The following ZNF765 variants were observed in gnomAD, a reference collection of about 807,000 sequenced individuals.
The protein encoded by ZNF765 is zinc finger protein 765.
A neutral mutation model predicts 44.7 loss-of-function variants in ZNF765; 37 were observed. The observed-to-expected ratio is 0.83, with a 90% CI of 0.64 to 1.09. The LOEUF (loss-of-function observed/expected upper bound fraction) is 1.09, where lower values mean the gene tolerates loss of function less well. Ranked by LOEUF, ZNF765 falls within the 50% of genes least tolerant of loss-of-function variation. ZNF765 has a pLI of 0.00. For synonymous variants in ZNF765, 201 were observed against 213.7 expected (o/e 0.94, Z 0.52); for missense variants, 594 against 626.1 (o/e 0.95, Z 0.55).
chr19:53,400,672 C>T (rs2085715447), intron 2 of ZNF765, among the ~76,000 whole-genome samples: 1 of 150,910 alleles, frequency 6.6e-6, no homozygotes, highest in Non-Finnish European at 1.5e-5. Context: ...TTTTGAACAA[C>T]TTTTCCATTT....
chr19:53,409,774 G>A lies in ZNF765; in HGVS notation c.*647G>A. 2.4e-6 allele frequency: 2 copies of A among 826,242 alleles called. No homozygotes were observed. The highest frequency in any genetic ancestry group is 4.2e-6 in the Non-Finnish European group (2 of 479,640). 51.2% of individuals were successfully genotyped at this position (826,242 alleles called of 1,614,324 possible). A position where few individuals can be genotyped will look rare whatever the true frequency, so the allele number is the denominator to read the frequency against. On this transcript the variant is annotated 3_prime_UTR_variant, in exon 4 of 4. Transcript: ENST00000396408. Reference sequence around the variant, plus strand: ...GCCATCATAGACTTCATACTGGAGAGATACCTTAAAAGTGTAGTGAGTGTG... The same window carrying A: ...GCCATCATAGACTTCATACTGGAGAAATACCTTAAAAGTGTAGTGAGTGTG...
chr19:53,402,594 C>T (rs73059133), intron 3 of ZNF765, among the ~76,000 whole-genome samples: 43,361 of 151,900 alleles, frequency 0.29, 7,468 homozygotes, highest in South Asian at 0.39. Context: ...AAGTGTCTCT[C>T]TCTGTCAGCC....
At chr19:53,404,553 A>C (rs949297972) in intron 3 of ZNF765, among the ~76,000 whole-genome samples, 11 of 152,038 alleles carry the variant, frequency 7.2e-5, no homozygotes, top group African/African-American at 2.4e-4. Flanking sequence ...CCCAGGTTCA[A>C]GTGATTTTCC....
chr19:53,426,257 C>T (rs941095781), exon 4 of ZNF765: 2 of 152,476 alleles, frequency 1.3e-5, no homozygotes, highest in African/African-American at 4.8e-5. Context: ...GGGAATGTGC[C>T]TGCTGAATCT....
chr19:53,407,174 G>T (rs1446688913), intron 3 of ZNF765, among the ~76,000 whole-genome samples: 1 of 151,986 alleles, frequency 6.6e-6, no homozygotes, highest in African/African-American at 2.4e-5. Context: ...GACTAAAAAA[G>T]ATTAAAAATT....
chr19:53,409,396 T>C lies in ZNF765; in HGVS notation c.*269T>C. The stretch of plus-strand genomic sequence containing the variant: ...ATGTGAAGAATGTGAAGAAGCTTTC[T>C]GTTTCAAATCCAACCTTGAAAGACA... On this transcript the variant is annotated 3_prime_UTR_variant, in exon 4 of 4. Transcript: ENST00000396408. 1.2e-6 allele frequency: 1 copy of C among 833,926 alleles called. No individual in the cohort carries two copies. Among genetic ancestry groups the C allele is most frequent in the Middle Eastern group, 2.3e-4 (1 of 4,416 alleles). 51.7% of individuals were successfully genotyped at this position (833,926 alleles called of 1,614,324 possible).
chr19:53,410,708 G>A lies in ZNF765; in HGVS notation c.*1581G>A. On this transcript the variant is annotated 3_prime_UTR_variant, in exon 4 of 4. Coordinates refer to ENST00000396408, the MANE Select transcript of ZNF765 (RefSeq NM_001040185.3). ...AAATTTGGCAAATTTTTCAGACATTGTTCATAACTTGCAGTTCATCGGCGA... is the reference window on the plus strand; with the variant it reads ...AAATTTGGCAAATTTTTCAGACATTATTCATAACTTGCAGTTCATCGGCGA... 1 of 440,292 alleles carries A rather than the reference G, an allele frequency of 2.3e-6. No individual in the cohort carries two copies. The highest frequency in any genetic ancestry group is 4.6e-6 in the Non-Finnish European group (1 of 216,788). The allele number at this position is 440,292 out of a possible 1,614,324, so 27.3% of individuals were successfully genotyped here.
At chr19:53,418,932 G>T (rs987606123) in intron 3 of ZNF765, among the ~76,000 whole-genome samples, 2 of 85,384 alleles carry the variant, frequency 2.3e-5, no homozygotes, top group Non-Finnish European at 5.5e-5. Flanking sequence ...AAAAAAAAAA[G>T]TCCAGATAAG....
chr19:53,406,246 C>T (rs1360196378), intron 3 of ZNF765, among the ~76,000 whole-genome samples: 1 of 151,620 alleles, frequency 6.6e-6, no homozygotes, highest in African/African-American at 2.4e-5. Flanking sequence ...GGCCAGGCTA[C>T]TCTTGAACTC....
rs780363200 is a variant in ZNF765 at position 53,402,169 on chromosome 19, T to C, written c.120T>C (p.Asn40=). ...TATACAGGGACGTGATGCTGGAGAA[T>C]TATAGGAACCTGGTCTCCCTGGGTG... ...RTLYRDVMLE[N]YRNLVSLDIS... The change falls in exon 3 of 4, where the codon AAT becomes AAC. Residue 40 remains asparagine, a synonymous_variant. Coordinates refer to ENST00000396408, the MANE Select transcript of ZNF765 (RefSeq NM_001040185.3). The C allele has an allele frequency of 1.2e-6, 2 of 1,613,694 alleles. No individual in the cohort carries two copies. The highest frequency in any genetic ancestry group is 1.7e-6 in the Non-Finnish European group (2 of 1,179,926).
In ZNF765 at chr19:53,408,224, C is replaced by G; in HGVS notation, c.669C>G (p.Ala223=). The G allele has an allele frequency of 1.2e-6, 2 of 1,614,184 alleles. No individual in the cohort carries two copies. Among genetic ancestry groups the G allele is most frequent in the Non-Finnish European group, 1.7e-6 (2 of 1,180,040 alleles). The change falls in exon 4 of 4, where the codon GCC becomes GCG. Residue 223 remains alanine (A), a synonymous_variant. Coordinates refer to ENST00000396408, the MANE Select transcript of ZNF765 (RefSeq NM_001040185.3). ...TCCAATGCAATGACAGTGGCAAAGC[C>G]TATAATTGTAGCTCACTCTTAAGGA... ...KSFQCNDSGK[A]YNCSSLLRKH...
At chr19:53,402,244 T>G in intron 3 of ZNF765, 53 bp downstream of exon 3, 1 of 1,495,480 alleles carries the variant, frequency 6.7e-7, no homozygotes. Context: ...TTGTATTTTC[T>G]CTCCTTTTTT....
intron 1 of ZNF765, among the ~76,000 whole-genome samples, chr19:53,395,659 C>T (rs2085660396): frequency 6.6e-6 from 1 of 152,238 alleles, no homozygotes; most frequent in Non-Finnish European, 1.5e-5. Flanking sequence ...CGCCTCCCTC[C>T]TTTTGCGGGC....
chr19:53,414,491 C>CACACACACACA (rs1568786159), downstream of ZNF765, among the ~76,000 whole-genome samples: 1 of 15,574 alleles, frequency 6.4e-5, no homozygotes, highest in African/African-American at 2.9e-4. Flanking sequence ...ACACACACAC[C>CACACACACACA]CCCCCCCCCC....
At chr19:53,425,577 G>C (rs2085934333) in exon 4 of ZNF765, 1 of 152,308 alleles carries the variant, frequency 6.6e-6, no homozygotes, top group African/African-American at 2.4e-5. Flanking sequence ...CTCCCAAAGT[G>C]CTGGGATTAC....
Position 53,410,479 on chromosome 19 carries a change from T to A in ZNF765, c.*1352T>A. 1 of 378,904 alleles carries A rather than the reference T, an allele frequency of 2.6e-6. No homozygotes were observed. Among genetic ancestry groups the A allele is most frequent in the Non-Finnish European group, 5.3e-6 (1 of 188,144 alleles). The allele number at this position is 378,904 out of a possible 1,614,324, so 23.5% of individuals were successfully genotyped here. On this transcript the variant is annotated 3_prime_UTR_variant, in exon 4 of 4. Coordinates refer to ENST00000396408, the MANE Select transcript of ZNF765 (RefSeq NM_001040185.3). ...ATAATTCGCACCTGGCACAACATCC[T>A]AGAATTCACATTGGAGAGAAAGCTT...
In ZNF765 at chr19:53,408,815, C is replaced by A. The variant is rs758160946; in HGVS notation, c.1260C>A (p.Phe420Leu). Residue 420 changes from phenylalanine (F) to leucine (L), a missense_variant, in exon 4 of 4, where the codon TTC (phenylalanine) becomes TTA (leucine). Coordinates refer to ENST00000396408, the MANE Select transcript of ZNF765 (RefSeq NM_001040185.3). ...AGTGTAATGAGTGTGGCAAGACCTT[C>A]AATCAGCAGTTAACCCTTAACATTT... ...PYKCNECGKT[F>L]NQQLTLNICR... 2 of 1,613,970 alleles carry A rather than the reference C, an allele frequency of 1.2e-6. No homozygotes were observed. Among genetic ancestry groups the A allele is most frequent in the Admixed American group, 1.7e-5 (1 of 60,010 alleles).
In ZNF765 at chr19:53,409,665, C is replaced by T. The variant is rs143183526; in HGVS notation, c.*538C>T. ...CTTTAGTCAGAACTCATACCTTACACGCCATCGTAGACTTCATACTGGAGG... is the reference window on the plus strand; with the variant it reads ...CTTTAGTCAGAACTCATACCTTACATGCCATCGTAGACTTCATACTGGAGG... On this transcript the variant is annotated 3_prime_UTR_variant, in exon 4 of 4. Transcript: ENST00000396408. The T allele has an allele frequency of 7.4e-5, 88 of 1,193,930 alleles. No homozygotes were observed. Among genetic ancestry groups the T allele is most frequent in the African/African-American group, 6.3e-4 (41 of 65,068 alleles). The allele number at this position is 1,193,930 out of a possible 1,614,324, so 74.0% of individuals were successfully genotyped here.
At chr19:53,415,523 TTTTA>T (rs1260913445), downstream of ZNF765, among the ~76,000 whole-genome samples, 1 of 151,790 alleles carries the variant, frequency 6.6e-6, no homozygotes, top group Non-Finnish European at 1.5e-5. Flanking sequence ...AATGACTACT[TTTTA>T]TTTTAGTGTT....
Sources: gnomAD v4.1 joint callset for allele counts (sites outside exome capture counted in the v4.1 genomes callset) on GRCh38, gnomAD v4.1.1 for gene constraint, MANE v1.5 for transcripts, NCBI Gene and HGNC (gene_info 2026-07-23, HGNC 2026-07-21) for gene names.